MAGI2: variants seen among roughly 807,000 people sequenced by gnomAD.
MAGI2 encodes the protein membrane associated guanylate kinase, WW and PDZ domain containing 2, also known as membrane-associated guanylate kinase, WW and PDZ domain-containing protein 2.
MAGI2 carries 35 observed loss-of-function variants against 133.3 expected under a neutral mutation model. That is an observed-to-expected ratio of 0.26 (90% confidence interval 0.20 to 0.35). The LOEUF (loss-of-function observed/expected upper bound fraction) is 0.35. Ranked by LOEUF, MAGI2 falls within the 10% of genes least tolerant of loss-of-function variation. The pLI is 1.00. For synonymous variants in MAGI2, 729 were observed against 710.6 expected (o/e 1.03, Z -0.41); for missense variants, 1,636 against 1,863.4 (o/e 0.88, Z 2.25).
intron 1 of MAGI2, among the ~76,000 whole-genome samples, chr7:79,307,671 T>G (rs764464001): frequency 2.0e-5 from 3 of 152,206 alleles, no homozygotes; most frequent in African/African-American, 4.8e-5. Context: ...TTAAGATAAA[T>G]GCTGGAATCC....
intron 2 of MAGI2, among the ~76,000 whole-genome samples, chr7:78,778,905 T>A (rs1486570348): frequency 1.5e-5 from 1 of 64,696 alleles, no homozygotes; most frequent in Admixed American, 1.4e-4. Flanking sequence ...CTTTTCAGCC[T>A]TTTTTTTTTT....
At chr7:79,237,494 T>C (rs1489579756) in intron 1 of MAGI2, among the ~76,000 whole-genome samples, 1 of 152,172 alleles carries the variant, frequency 6.6e-6, no homozygotes, top group East Asian at 1.9e-4. Context: ...CATGCATGCA[T>C]ACACATGCAA....
At chr7:78,173,237 G>A (rs1307475747) in intron 14 of MAGI2, among the ~76,000 whole-genome samples, 1 of 152,202 alleles carries the variant, frequency 6.6e-6, no homozygotes, top group African/African-American at 2.4e-5. Context: ...CTGAGGCTGG[G>A]TGGTGATCAT....
At chr7:78,703,330 C>T (rs1818269438) in intron 2 of MAGI2, among the ~76,000 whole-genome samples, 1 of 151,916 alleles carries the variant, frequency 6.6e-6, no homozygotes, top group South Asian at 2.1e-4. Flanking sequence ...ATTACAATTC[C>T]AAGTTGTATC....
intron 4 of MAGI2, among the ~76,000 whole-genome samples, chr7:78,519,888 A>G (rs1043209737): frequency 2.0e-5 from 3 of 152,192 alleles, no homozygotes; most frequent in Admixed American, 6.5e-5. Flanking sequence ...TATTGCTTCA[A>G]CCCAGCTGAG....
intron 1 of MAGI2, among the ~76,000 whole-genome samples, chr7:79,443,550 G>A (rs1424397636): frequency 1.3e-5 from 2 of 152,080 alleles, no homozygotes; most frequent in East Asian, 3.9e-4. Flanking sequence ...TAATCTGTGG[G>A]TTTCTATAGC....
intron 4 of MAGI2, chr7:78,519,151 A>G (rs974326013): frequency 6.9e-6 from 1 of 145,736 alleles, no homozygotes; most frequent in African/African-American, 2.6e-5. Context: ...AAAAAAAACC[A>G]ATGTGATGAG....
chr7:78,613,159 G>C (rs1482006712), intron 3 of MAGI2, among the ~76,000 whole-genome samples: 1 of 152,124 alleles, frequency 6.6e-6, no homozygotes, highest in African/African-American at 2.4e-5. Context: ...TGTAAAGTGT[G>C]AAGAATCAGG....
chr7:79,008,042 A>G (rs900018132), intron 1 of MAGI2, among the ~76,000 whole-genome samples: 3 of 152,138 alleles, frequency 2.0e-5, no homozygotes, highest in Non-Finnish European at 4.4e-5. Flanking sequence ...TTGTTAACTT[A>G]TAAAGATTTA....
At chr7:78,168,674 A>G (rs1320972197) in intron 14 of MAGI2, among the ~76,000 whole-genome samples, 3 of 152,202 alleles carry the variant, frequency 2.0e-5, no homozygotes, top group African/African-American at 7.2e-5. Context: ...TACTTCATGG[A>G]GTTATTGGGA....
At chr7:78,370,161 A>G (rs1480537966) in intron 6 of MAGI2, among the ~76,000 whole-genome samples, 1 of 152,116 alleles carries the variant, frequency 6.6e-6, no homozygotes, top group Non-Finnish European at 1.5e-5. Flanking sequence ...ATTACCAGCA[A>G]TCCTGCCACC....
chr7:79,026,882 G>A (rs199862379), intron 1 of MAGI2, among the ~76,000 whole-genome samples: 11 of 149,574 alleles, frequency 7.4e-5, no homozygotes, highest in Non-Finnish European at 5.9e-5. Context: ...AAAGAAAAAA[G>A]AAAAAAAAAT....
intron 1 of MAGI2, among the ~76,000 whole-genome samples, chr7:79,342,071 A>G (rs890289310): frequency 1.3e-5 from 2 of 152,146 alleles, no homozygotes; most frequent in African/African-American, 4.8e-5. Context: ...CTGATTCTCA[A>G]TGAGAACTCC....
At chr7:79,114,791 A>G (rs1819249603) in intron 1 of MAGI2, among the ~76,000 whole-genome samples, 1 of 152,116 alleles carries the variant, frequency 6.6e-6, no homozygotes, top group Non-Finnish European at 1.5e-5. Flanking sequence ...TCACCACCAC[A>G]CTGCTTGTTA....
intron 6 of MAGI2, among the ~76,000 whole-genome samples, chr7:78,469,622 G>T (rs562564066): frequency 1.2e-4 from 19 of 152,178 alleles, no homozygotes. Flanking sequence ...AGTTAATTTT[G>T]TTTCTCCCAA....
At chr7:79,041,645 T>C (rs1481606393) in intron 1 of MAGI2, among the ~76,000 whole-genome samples, 1 of 152,132 alleles carries the variant, frequency 6.6e-6, no homozygotes, top group Non-Finnish European at 1.5e-5. Flanking sequence ...TGCCTAGATA[T>C]AGATATTTCA....
At position 78,185,792 on chromosome 7, in the gene MAGI2, C is replaced by CA. The variant is rs1563231656; in HGVS notation, c.2270-123_2270-122insT. 1.4e-5 allele frequency: 9 copies of CA among 628,740 alleles called. No individual in the cohort carries two copies. The East Asian group carries it at 2.6e-4, about 19-fold the overall frequency. The allele number at this position is 628,740 out of a possible 1,614,324, so 38.9% of individuals were successfully genotyped here. On this transcript the variant is annotated intron_variant, in intron 12 of 21. Coordinates refer to ENST00000354212, the MANE Select transcript of MAGI2 (RefSeq NM_012301.4). ...CACAATCTCATACTTATGTTTAAGA[C>CA]TTTTTTTTTCCTCTAAGATCCAAGT...
intron 2 of MAGI2, among the ~76,000 whole-genome samples, chr7:78,903,613 A>G (rs928598431): frequency 6.6e-6 from 1 of 152,180 alleles, no homozygotes; most frequent in Non-Finnish European, 1.5e-5. Flanking sequence ...AGTTAAAGCC[A>G]TAGCTTTTAT....
intron 1 of MAGI2, among the ~76,000 whole-genome samples, chr7:79,043,394 C>A (rs528071000): frequency 1.1e-4 from 17 of 150,554 alleles, no homozygotes; most frequent in South Asian, 2.1e-4. Context: ...AATACAAAAA[C>A]TAGCTGAGTG....
Sources: allele counts gnomAD v4.1 joint callset (sites outside exome capture counted in the v4.1 genomes callset), GRCh38; gene constraint gnomAD v4.1.1; transcripts MANE v1.5; gene names NCBI Gene and HGNC (gene_info 2026-07-23, HGNC 2026-07-21).